Variants in PLEKHA5 observed in about 807,000 individuals in gnomAD.
The protein encoded by PLEKHA5 is pleckstrin homology domain containing A5.
A neutral mutation model predicts 181.9 loss-of-function variants in PLEKHA5; 55 were observed. The observed-to-expected ratio is 0.30, with a 90% CI of 0.24 to 0.38. The LOEUF is 0.38. PLEKHA5 is among the 10% of genes least tolerant of loss of function. PLEKHA5 has a pLI of 1.00. For synonymous variants in PLEKHA5, 535 were observed against 529.4 expected (o/e 1.01, Z -0.15); for missense variants, 1,432 against 1,549.5 (o/e 0.92, Z 1.27).
At position 19,295,055 on chromosome 12, in the gene PLEKHA5, A is replaced by G. The variant is rs147024875; in HGVS notation, c.2037+3358A>G. Reference sequence around the variant, plus strand: ...TATTCAAAGTCCACATTTATATAAGACTAGCCCTGGTTTATTTGTCATTTT... The same window carrying G: ...TATTCAAAGTCCACATTTATATAAGGCTAGCCCTGGTTTATTTGTCATTTT... On this transcript the variant is annotated intron_variant, in intron 15 of 31. Coordinates refer to ENST00000429027, the MANE Select transcript of PLEKHA5 (RefSeq NM_001256470.2). Among the ~76,000 whole-genome samples the G allele has an allele frequency of 9.7e-3, 1,483 of 152,310 alleles. 9 individuals carry two copies. Among genetic ancestry groups the G allele is most frequent in the Non-Finnish European group, 0.014 (973 of 68,024 alleles).
At chr12:19,237,489 G>T (rs2061588889) in intron 3 of PLEKHA5, among the ~76,000 whole-genome samples, 1 of 110,546 alleles carries the variant, frequency 9.0e-6, no homozygotes, top group Non-Finnish European at 2.1e-5. Flanking sequence ...GGTACTAACA[G>T]TATGCATTAT....
At chr12:19,351,788 C>G (rs1434936790) in intron 25 of PLEKHA5, among the ~76,000 whole-genome samples, 1 of 151,976 alleles carries the variant, frequency 6.6e-6, no homozygotes. Flanking sequence ...AAAAGACTGG[C>G]CAAGGCAGGG....
intron 3 of PLEKHA5, chr12:19,154,464 C>T (rs1328646759): frequency 6.6e-6 from 1 of 152,116 alleles, no homozygotes; most frequent in Non-Finnish European, 1.5e-5. Flanking sequence ...AATGGATAAT[C>T]AATTTTCCTC....
At chr12:19,260,092 A>G (rs2068015536) in intron 6 of PLEKHA5, among the ~76,000 whole-genome samples, 1 of 152,136 alleles carries the variant, frequency 6.6e-6, no homozygotes, top group Non-Finnish European at 1.5e-5. Context: ...GAACTAAATT[A>G]CTTAGAAATA....
At chr12:19,193,416 T>C (rs1043912122) in intron 3 of PLEKHA5, among the ~76,000 whole-genome samples, 4 of 152,208 alleles carry the variant, frequency 2.6e-5, no homozygotes. Flanking sequence ...TTTAAATTTT[T>C]AATCAATTTC....
chr12:19,239,503 A>G (rs2062054679), intron 3 of PLEKHA5, among the ~76,000 whole-genome samples: 1 of 152,162 alleles, frequency 6.6e-6, no homozygotes, highest in African/African-American at 2.4e-5. Context: ...TGATTTGTTG[A>G]CTAAACTGAA....
chr12:19,144,842 C>G (rs992747577), intron 3 of PLEKHA5, among the ~76,000 whole-genome samples: 5 of 152,096 alleles, frequency 3.3e-5, no homozygotes, highest in African/African-American at 1.2e-4. Context: ...CTTAGAAAAT[C>G]AAAGTAAGTC....
At position 19,351,834 on chromosome 12, in the gene PLEKHA5, G is replaced by T. The variant is rs566841056; in HGVS notation, c.3020-2050G>T. 2.2e-4 allele frequency among the ~76,000 whole-genome samples: 33 copies of T among 152,270 alleles called. 1 individual carries two copies. The highest frequency in any genetic ancestry group is 6.7e-4 in the African/African-American group (28 of 41,568). ...CACACCTGTAATCTCAGCATTTTGG[G>T]AGGCCGAGACAGGCAGATCACCTGA... is the stretch of plus-strand genomic sequence containing the variant. On this transcript the variant is annotated intron_variant, in intron 25 of 31. Transcript: ENST00000429027.
At chr12:19,180,514 G>A (rs762294677) in intron 3 of PLEKHA5, among the ~76,000 whole-genome samples, 1 of 151,998 alleles carries the variant, frequency 6.6e-6, no homozygotes, top group Non-Finnish European at 1.5e-5. Flanking sequence ...GAACAATTTT[G>A]TCAGATACTG....
At chr12:19,258,025 ATTCT>A (rs2067322038) in intron 6 of PLEKHA5, among the ~76,000 whole-genome samples, 1 of 151,582 alleles carries the variant, frequency 6.6e-6, no homozygotes, top group African/African-American at 2.4e-5. Flanking sequence ...ATATGAGATT[ATTCT>A]TTCTTCCTCT....
intron 3 of PLEKHA5, among the ~76,000 whole-genome samples, chr12:19,253,319 C>T (rs2065921614): frequency 1.3e-5 from 2 of 151,242 alleles, no homozygotes; most frequent in Non-Finnish European, 3.0e-5. Context: ...AAGTGATCCA[C>T]CTTCCTTGGC....
intron 30 of PLEKHA5, among the ~76,000 whole-genome samples, chr12:19,369,347 A>ATTT (rs71064100): frequency 4.3e-4 from 65 of 150,820 alleles, no homozygotes; most frequent in African/African-American, 1.1e-3. Context: ...AAAAAAAAAA[A>ATTT]TTTTTAAGTA....
intron 2 of PLEKHA5, among the ~76,000 whole-genome samples, chr12:19,131,236 T>C (rs1233717013): frequency 1.3e-5 from 2 of 152,142 alleles, no homozygotes; most frequent in Non-Finnish European, 2.9e-5. Context: ...ACTCTGACAT[T>C]CCGTGAATCT....
intron 29 of PLEKHA5, among the ~76,000 whole-genome samples, chr12:19,363,462 T>C (rs1250622706): frequency 2.7e-5 from 4 of 149,362 alleles, no homozygotes; most frequent in East Asian, 2.0e-4. Context: ...CCATCGTGCC[T>C]GGCCATTTTT....
At chr12:19,321,360 CTT>C (rs1158507411) in intron 18 of PLEKHA5, among the ~76,000 whole-genome samples, 1 of 24,206 alleles carries the variant, frequency 4.1e-5, no homozygotes, top group Non-Finnish European at 1.0e-4. Context: ...CTTTTCTTTT[CTT>C]TTTTTTTTTT....
intron 3 of PLEKHA5, among the ~76,000 whole-genome samples, chr12:19,137,685 T>A (rs1033647736): frequency 6.6e-6 from 1 of 152,178 alleles, no homozygotes; most frequent in African/African-American, 2.4e-5. Context: ...GTTGTCTCTT[T>A]CGTTTTCAAG....
chr12:19,347,263 CTT>C, intron 24 of PLEKHA5, 81 bp downstream of exon 24: 1 of 809,732 alleles, frequency 1.2e-6, no homozygotes, highest in Non-Finnish European at 1.8e-6. Flanking sequence ...TACACTCAAA[CTT>C]TTTTTTTATT....
At chr12:19,351,443 A>C (rs1033183027) in intron 25 of PLEKHA5, among the ~76,000 whole-genome samples, 1 of 152,204 alleles carries the variant, frequency 6.6e-6, no homozygotes, top group African/African-American at 2.4e-5. Flanking sequence ...AAAATAGCAT[A>C]TAAATGAGGA....
chr12:19,265,432 A>T (rs140476671), intron 7 of PLEKHA5, among the ~76,000 whole-genome samples: 1 of 152,312 alleles, frequency 6.6e-6, no homozygotes, highest in Non-Finnish European at 1.5e-5. Context: ...CAAGAAAGCC[A>T]TGTATTTGTC....
Sources: gnomAD v4.1 joint callset for allele counts (sites outside exome capture counted in the v4.1 genomes callset) on GRCh38, gnomAD v4.1.1 for gene constraint, MANE v1.5 for transcripts, NCBI Gene and HGNC (gene_info 2026-07-23, HGNC 2026-07-21) for gene names.